INKA2: variants seen among roughly 807,000 people sequenced by gnomAD.
The protein encoded by INKA2 is inka box actin regulator 2, also known as PAK4-inhibitor INKA2.
In INKA2, 3 loss-of-function variants were observed where a neutral mutation model predicts 9.8. The observed-to-expected ratio is 0.31, with a 90% CI of 0.14 to 0.79. INKA2 has a LOEUF of 0.79. Among genes scored for constraint, INKA2 ranks in the 30% least tolerant of loss-of-function variants. The pLI, the probability that INKA2 is intolerant of heterozygous loss-of-function variation, is 0.62. For synonymous variants in INKA2, 147 were observed against 143.3 expected (o/e 1.03, Z -0.18); for missense variants, 392 against 384.4 (o/e 1.02, Z -0.17).
At position 111,726,849 on chromosome 1, in the gene INKA2, G is replaced by A. The variant is rs1456264954; in HGVS notation, c.*119C>T. 4.7e-6 allele frequency: 5 copies of A among 1,056,280 alleles called. No homozygotes were observed. The highest frequency in any genetic ancestry group is 2.3e-5 in the Admixed American group (1 of 44,172). 65.4% of individuals were successfully genotyped at this position (1,056,280 alleles called of 1,614,324 possible). A position where few individuals can be genotyped will look rare whatever the true frequency, so the allele number is the denominator to read the frequency against. ...AACTCTGGCTTCTCCCCGCTTTCTG[G>A]GGGAAAGGAACTTGGAGTTGGGCTT... On this transcript the variant is annotated 3_prime_UTR_variant, in exon 2 of 2. Coordinates refer to ENST00000357260, the MANE Select transcript of INKA2 (RefSeq NM_019099.5).
rs1662789231 is a variant in INKA2 at position 111,727,041 on chromosome 1, G to C, written c.821C>G (p.Pro274Arg). The C allele has an allele frequency of 6.2e-7, 1 of 1,613,904 alleles. No homozygotes were observed. Among genetic ancestry groups the C allele is most frequent in the African/African-American group, 1.3e-5 (1 of 74,924 alleles). ...GTGEHRRGEN[P>R]PTSCPKALEH... ...CAGGGCCTTGGGGCAGCTTGTGGGGGGATTCTCCCCTCGCCTGTGCTCCCC... is the reference window on the plus strand; with the variant it reads ...CAGGGCCTTGGGGCAGCTTGTGGGGCGATTCTCCCCTCGCCTGTGCTCCCC... Residue 274 changes from proline (P) to arginine (R), a missense_variant, in exon 2 of 2, where the codon CCC (proline) becomes CGC (arginine). Pro to Arg is a moderately radical substitution (Grantham distance 103). Transcript: ENST00000357260.
upstream of INKA2, among the ~76,000 whole-genome samples, chr1:111,743,118 G>T (rs112059297): frequency 3.3e-5 from 5 of 152,326 alleles, no homozygotes; most frequent in African/African-American, 1.2e-4. Context: ...CTGGGCTGGG[G>T]ATGGGGGCTG....
At chr1:111,742,136 G>C (rs964732553), upstream of INKA2, among the ~76,000 whole-genome samples, 2 of 152,218 alleles carry the variant, frequency 1.3e-5, no homozygotes, top group Non-Finnish European at 2.9e-5. Context: ...GAAGTGGGCT[G>C]ATCTCTTGGC....
In INKA2 at chr1:111,723,295, T is replaced by C. The variant is rs560274905; in HGVS notation, c.*3673A>G. On this transcript the variant is annotated 3_prime_UTR_variant, in exon 2 of 2. Transcript: ENST00000357260. ...TGTGGAGAGGACAGAGCAACCTTCT[T>C]TGGGGCAAGTTTGGGTTCAGAGATC... is the stretch of plus-strand genomic sequence containing the variant. The C allele has an allele frequency of 1.9e-6, 1 of 520,832 alleles. No individual in the cohort carries two copies. The highest frequency in any genetic ancestry group is 2.0e-5 in the African/African-American group (1 of 50,098). The allele number at this position is 520,832 out of a possible 1,614,324, so 32.3% of individuals were successfully genotyped here.
At chr1:111,731,079 A>G (rs1662896211) in intron 1 of INKA2, among the ~76,000 whole-genome samples, 1 of 152,200 alleles carries the variant, frequency 6.6e-6, no homozygotes, top group African/African-American at 2.4e-5. Flanking sequence ...AATCTCTTCC[A>G]GTGTGGAAAA....
intron 1 of INKA2, among the ~76,000 whole-genome samples, chr1:111,744,730 C>A (rs144440987): frequency 6.6e-6 from 1 of 152,070 alleles, no homozygotes; most frequent in African/African-American, 2.4e-5. Flanking sequence ...TACAGGTGTG[C>A]GCCACCACGC....
At chr1:111,741,254 G>A (rs1663145448), upstream of INKA2, among the ~76,000 whole-genome samples, 1 of 152,116 alleles carries the variant, frequency 6.6e-6, no homozygotes, top group Non-Finnish European at 1.5e-5. Context: ...GTGTCCCTCT[G>A]GGCGAAGCTG....
chr1:111,752,443 A>G (rs1663431685), intron 1 of INKA2, among the ~76,000 whole-genome samples: 1 of 152,132 alleles, frequency 6.6e-6, no homozygotes, highest in African/African-American at 2.4e-5. Flanking sequence ...ACTTTGTTCC[A>G]TTTTTGTATC....
chr1:111,755,664 C>A, intron 1 of INKA2: 1 of 1,612,398 alleles, frequency 6.2e-7, no homozygotes, highest in Non-Finnish European at 8.5e-7. Context: ...CACCGCAGGC[C>A]CGCGGCGCCC....
chr1:111,724,532 G>A lies in INKA2; in HGVS notation c.*2436C>T, dbSNP rs1662722273. 1 of 151,544 alleles carries A rather than the reference G, an allele frequency of 6.6e-6. No homozygotes were observed. Among genetic ancestry groups the A allele is most frequent in the Admixed American group, 6.6e-5 (1 of 15,136 alleles). 9.4% of individuals were successfully genotyped at this position (151,544 alleles called of 1,614,324 possible). ...TCCTCCGCTCATGATTCAGTAGGTG[G>A]AATCTTAACATGCAGTTTCTTAGCA... On this transcript the variant is annotated 3_prime_UTR_variant, in exon 2 of 2. Coordinates refer to ENST00000357260, the MANE Select transcript of INKA2 (RefSeq NM_019099.5).
chr1:111,742,028 C>T (rs1663161467), upstream of INKA2, among the ~76,000 whole-genome samples: 1 of 151,728 alleles, frequency 6.6e-6, no homozygotes, highest in African/African-American at 2.4e-5. Flanking sequence ...GTGAAATAGT[C>T]TTTAGGGTCA....
rs755795805 is a variant in INKA2 at position 111,739,237 on chromosome 1, C to A, written c.6G>T (p.Thr2=). 5.0e-6 allele frequency: 8 copies of A among 1,613,636 alleles called. No homozygotes were observed. In the African/African-American group the frequency reaches 1.1e-4, roughly 22 times the overall value. Residue 2 remains threonine, a synonymous_variant, in exon 1 of 2, where the codon ACG becomes ACT. Coordinates refer to ENST00000357260, the MANE Select transcript of INKA2 (RefSeq NM_019099.5). M[T]MESREMDCYL... ...AGCAGTCCATTTCCCTGCTCTCCAT[C>A]GTCATGCGCCCATTTGTCGGGTTCG...
rs1553232613 is a variant in INKA2, at chr1:111,745,265, T to TTTTATATATATATATATATA, written n.124+10435_124+10436insTATATATATATATATATAAA. Reference sequence around the variant, plus strand: ...ACACACACACACACACACAGAGATATTATATATATATATATATATATATAT... The same window carrying TTTTATATATATATATATATA: ...ACACACACACACACACACAGAGATATTTTATATATATATATATATATATATATATATATATATATATATAT... On this transcript the variant is annotated intron_variant and non_coding_transcript_variant, in intron 1 of 1. Transcript: ENST00000444059. The TTTTATATATATATATATATA allele has an allele frequency of 1.1e-3, 51 of 45,100 alleles. 6 individuals are homozygous for TTTTATATATATATATATATA. The highest frequency in any genetic ancestry group is 2.7e-3 in the Admixed American group (7 of 2,588). 2.8% of individuals were successfully genotyped at this position (45,100 alleles called of 1,614,324 possible).
upstream of INKA2, among the ~76,000 whole-genome samples, chr1:111,743,442 C>T (rs540025667): frequency 6.6e-6 from 1 of 152,272 alleles, no homozygotes; most frequent in East Asian, 1.9e-4. Flanking sequence ...CCTAACCTAG[C>T]CAGGGAAGGT....
At position 111,727,673 on chromosome 1, in the gene INKA2, C is replaced by G. The variant is rs752000019; in HGVS notation, c.189G>C (p.Val63=). The change falls in exon 2 of 2, where the codon GTG becomes GTC. Residue 63 remains valine (V), a synonymous_variant. Transcript: ENST00000357260. ...EQLEISGGGP[V]PGSPEGPRTQ... ...TCCTGGGACCTTCAGGGCTGCCTGG[C>G]ACAGGACCCCCTCCAGAGATCTCCA... The G allele has an allele frequency of 2.3e-5, 37 of 1,611,478 alleles. No individual in the cohort carries two copies. The highest frequency in any genetic ancestry group is 3.3e-5 in the Admixed American group (2 of 59,814).
intron 1 of INKA2, chr1:111,747,005 A>G (rs2101393397): frequency 6.6e-6 from 1 of 152,344 alleles, no homozygotes; most frequent in East Asian, 1.9e-4. Context: ...CCACCCAAGC[A>G]TGTGATTTTA....
intron 1 of INKA2, among the ~76,000 whole-genome samples, chr1:111,735,417 C>T (rs1386505210): frequency 1.3e-5 from 2 of 152,196 alleles, no homozygotes; most frequent in African/African-American, 4.8e-5. Context: ...GTCATTTAAT[C>T]TTCACAGTAG....
intron 1 of INKA2, among the ~76,000 whole-genome samples, chr1:111,748,049 T>C (rs1473287895): frequency 6.6e-6 from 1 of 152,192 alleles, no homozygotes. Flanking sequence ...AGAAATGACT[T>C]GGAAGGGCTT....
At chr1:111,732,840 G>A (rs1336298221) in intron 1 of INKA2, among the ~76,000 whole-genome samples, 1 of 152,148 alleles carries the variant, frequency 6.6e-6, no homozygotes, top group Non-Finnish European at 1.5e-5. Context: ...GAGCTGTAGT[G>A]CCACAGGTGC....
Sources: gnomAD v4.1 joint callset for allele counts (sites outside exome capture counted in the v4.1 genomes callset) on GRCh38, gnomAD v4.1.1 for gene constraint, MANE v1.5 for transcripts, NCBI Gene and HGNC (gene_info 2026-07-23, HGNC 2026-07-21) for gene names.